Variants in DNAH1 observed in about 807,000 individuals in gnomAD.
DNAH1 encodes axonemal beta dynein heavy chain 1.
In DNAH1, 327 loss-of-function variants were observed where a neutral mutation model predicts 484.3. The ratio of observed to expected loss-of-function variants is 0.68; its 90% CI spans 0.62 to 0.74. DNAH1 has a LOEUF of 0.74. DNAH1 is among the 30% of genes least tolerant of loss of function. The pLI is 0.00. For synonymous variants in DNAH1, 2,192 were observed against 2,191.9 expected, an observed-to-expected ratio of 1.00 and a Z score of 0.00; for missense variants, 5,052 against 5,546.8, an observed-to-expected ratio of 0.91 and a Z score of 2.83.
rs1315325631 is a variant in DNAH1 at position 52,399,111 on chromosome 3, C to T, written c.12351C>T (p.Phe4117=). 6.2e-7 allele frequency: 1 copy of T among 1,614,072 alleles called. No individual in the cohort carries two copies. The highest frequency in any genetic ancestry group is 1.1e-5 in the South Asian group (1 of 91,092). Residue 4117 remains phenylalanine (F), a synonymous_variant, in exon 76 of 78, where the codon TTC becomes TTT. Transcript: ENST00000420323. ...GIPAVFWISG[F]FFPQAFLTGT... is the part of the protein sequence containing the mutation. The stretch of plus-strand genomic sequence containing the variant: ...CAGCTGTCTTCTGGATCAGTGGATT[C>T]TTCTTCCCCCAGGCTTTCTTAACAG...
At chr3:52,371,311 G>A (rs997944338) in intron 41 of DNAH1, among the ~76,000 whole-genome samples, 13 of 152,248 alleles carry the variant, frequency 8.5e-5, no homozygotes, top group East Asian at 7.7e-4. Context: ...GTGGAAAGGC[G>A]TCTGCAGAGA....
At chr3:52,400,199 G>A (rs1704847098) in intron 77 of DNAH1, 126 bp from the exon 78 acceptor site, 2 of 1,320,500 alleles carry the variant, frequency 1.5e-6, no homozygotes, top group Non-Finnish European at 2.1e-6. Context: ...CATCAGGTAG[G>A]CTTCCTCTTG....
At chr3:52,380,579 C>G (rs1703800804) in intron 48 of DNAH1, among the ~76,000 whole-genome samples, 2 of 152,228 alleles carry the variant, frequency 1.3e-5, no homozygotes, top group Admixed American at 1.3e-4. Context: ...TCAGCACACC[C>G]TGGTAAGCCC....
At chr3:52,335,145 T>C (rs1314359464) in intron 8 of DNAH1, among the ~76,000 whole-genome samples, 1 of 139,062 alleles carries the variant, frequency 7.2e-6, no homozygotes, top group Non-Finnish European at 1.5e-5. Context: ...AAAAAAGCAA[T>C]GTGTGATTTT....
rs529527087 is a variant in DNAH1, at chr3:52,366,475, T to A, written c.5537T>A (p.Ile1846Asn). The change falls in exon 35 of 78, where the codon ATC (isoleucine) becomes AAC (asparagine). Residue 1846 changes from isoleucine (I) to asparagine (N), a missense_variant. Around this residue, in one of 4 missense-constraint regions of DNAH1, gnomAD observed 2,929 missense variants for 3,409.4 expected, o/e 0.86. Transcript: ENST00000420323. The part of the protein sequence containing the change: ...KDVEGFLTKC[I>N]QLYETTVVRH... ...CCCCCAGGCTTCCTGACAAAGTGCA[T>A]CCAGCTCTACGAGACCACGGTGGTA... 7 of 1,599,564 alleles carry A rather than the reference T, an allele frequency of 4.4e-6. No individual in the cohort carries two copies. In the African/African-American group the frequency reaches 9.4e-5, roughly 21 times the overall value.
Position 52,353,415 on chromosome 3 carries a change from A to G in DNAH1, c.3262A>G (p.Ile1088Val). Residue 1088 changes from isoleucine to valine, a missense_variant, in exon 20 of 78, where the codon ATC becomes GTC. Ile to Val is a conservative substitution (Grantham distance 29). Around this residue, in one of 4 missense-constraint regions of DNAH1, gnomAD observed 2,929 missense variants for 3,409.4 expected, o/e 0.86. Coordinates refer to ENST00000420323, the MANE Select transcript of DNAH1 (RefSeq NM_015512.5). The surrounding 1 kb of genome is among the most constrained non-coding windows in gnomAD (Gnocchi z 5.0). ...AGTGGCCTTGGACATCCGGGCCCGC[A>G]TCGAGGAGTTCAAACCATACATCCC... ...QEVALDIRAR[I>V]EEFKPYIPLI... The G allele has an allele frequency of 6.2e-7, 1 of 1,613,624 alleles. No individual in the cohort carries two copies. The highest frequency in any genetic ancestry group is 8.5e-7 in the Non-Finnish European group (1 of 1,179,734).
At chr3:52,378,030 TCTC>T (rs1703677973) in intron 46 of DNAH1, among the ~76,000 whole-genome samples, 1 of 152,036 alleles carries the variant, frequency 6.6e-6, no homozygotes, top group African/African-American at 2.4e-5. Flanking sequence ...TTTCTCCACT[TCTC>T]CGCCAAGTTT....
Position 52,396,354 on chromosome 3 carries a change from G to A in DNAH1, c.11260-14G>A, listed in dbSNP as rs761117917. ...ATATGGGTCTCAATGCTCACGTGGA[G>A]CCATGGCCACCAGGTACACAGGGAC... On this transcript the variant is annotated splice_polypyrimidine_tract_variant and intron_variant, in intron 70 of 77. Transcript: ENST00000420323. The A allele has an allele frequency of 6.1e-5, 95 of 1,563,608 alleles. No homozygotes were observed. The African/African-American group carries it at 1.2e-3, about 20-fold the overall frequency.
chr3:52,396,368 G>C lies in DNAH1; in HGVS notation c.11260G>C (p.Val3754Leu), dbSNP rs1169332869. The change falls in exon 71 of 78, where the codon GTA becomes CTA. Residue 3754 changes from valine to leucine, a missense_variant and splice_region_variant. Val to Leu is a conservative substitution (Grantham distance 32, BLOSUM62 1). Coordinates refer to ENST00000420323, the MANE Select transcript of DNAH1 (RefSeq NM_015512.5). ...RLIEHINPDK[V>L]HRDFRLWLTS... is the part of the protein sequence containing the mutation. ...GCTCACGTGGAGCCATGGCCACCAG[G>C]TACACAGGGACTTCCGCCTCTGGCT... The C allele has an allele frequency of 9.5e-6, 15 of 1,572,400 alleles. No homozygotes were observed. Among genetic ancestry groups the C allele is most frequent in the East Asian group, 2.4e-5 (1 of 42,144 alleles).
Position 52,352,102 on chromosome 3 carries a change from A to G in DNAH1, c.2870A>G (p.Gln957Arg). The change falls in exon 17 of 78, where the codon CAG (glutamine) becomes CGG (arginine). Residue 957 changes from glutamine (Q) to arginine (R), a missense_variant and splice_region_variant. Gln to Arg is a conservative substitution (Grantham distance 43, BLOSUM62 1). Coordinates refer to ENST00000420323, the MANE Select transcript of DNAH1 (RefSeq NM_015512.5). The stretch of plus-strand genomic sequence containing the variant: ...TTCCAAGAGAAGCTGGAAGGGCTGC[A>G]GGTGGGGCACAGCTGCAGGCTTGGT... ...NNFQEKLEGL[Q>R]LVVAGFSIHV... The G allele has an allele frequency of 1.3e-6, 2 of 1,574,920 alleles. No individual in the cohort carries two copies. Among genetic ancestry groups the G allele is most frequent in the Non-Finnish European group, 1.7e-6 (2 of 1,160,870 alleles).
chr3:52,345,748 A>T (rs1327225995), intron 10 of DNAH1, 42 bp downstream of exon 10: 1 of 1,575,524 alleles, frequency 6.3e-7, no homozygotes, highest in South Asian at 1.2e-5. Flanking sequence ...CGCAGGGCAG[A>T]CCCTTGGAAC....
Position 52,349,433 on chromosome 3 carries a change from C to T in DNAH1, c.2526+13C>T, listed in dbSNP as rs769484089. On this transcript the variant is annotated intron_variant, in intron 14 of 77. Transcript: ENST00000420323. ...GGAGGTGGATAGCGTAAGTGCCCACCTGCCCCGCCTCAGTGACCACAGCAG... is the reference window on the plus strand; with the variant it reads ...GGAGGTGGATAGCGTAAGTGCCCACTTGCCCCGCCTCAGTGACCACAGCAG... The T allele has an allele frequency of 5.6e-6, 9 of 1,610,860 alleles. No individual in the cohort carries two copies. Among genetic ancestry groups the T allele is most frequent in the Middle Eastern group, 1.7e-4 (1 of 6,000 alleles).
chr3:52,328,246 T>C (rs888629444), intron 6 of DNAH1, among the ~76,000 whole-genome samples: 3 of 152,208 alleles, frequency 2.0e-5, no homozygotes, highest in Non-Finnish European at 4.4e-5. Flanking sequence ...TCTAGTGTTT[T>C]GAAAAATCTT....
chr3:52,352,827 A>G, intron 18 of DNAH1, 120 bp downstream of exon 18: 1 of 1,411,938 alleles, frequency 7.1e-7, no homozygotes, highest in Non-Finnish European at 9.4e-7. Context: ...CAGGCTGCAG[A>G]GTGGAGATAG....
intron 48 of DNAH1, among the ~76,000 whole-genome samples, chr3:52,380,589 C>G (rs1235984999): frequency 6.6e-6 from 1 of 152,212 alleles, no homozygotes; most frequent in Admixed American, 6.5e-5. Context: ...CTGGTAAGCC[C>G]CAGAAGGAGC....
rs368599966 is a variant in DNAH1, at chr3:52,346,724, A to G, written c.1909A>G (p.Thr637Ala). The G allele has an allele frequency of 6.8e-6, 11 of 1,613,420 alleles. No homozygotes were observed. The highest frequency in any genetic ancestry group is 9.3e-6 in the Non-Finnish European group (11 of 1,179,546). The change falls in exon 11 of 78, where the codon ACC becomes GCC. Residue 637 changes from threonine to alanine, a missense_variant. Transcript: ENST00000420323. Reference sequence around the variant, plus strand: ...CACCTGTTGCAGCGTGCTCAACTGCACCGATGACATGGTCTGGGGTGACGA... The same window carrying G: ...CACCTGTTGCAGCGTGCTCAACTGCGCCGATGACATGGTCTGGGGTGACGA... ...SDTCCSVLNC[T>A]DDMVWGDDLI...
chr3:52,394,877 C>T (rs1252503022), intron 67 of DNAH1, 38 bp from the exon 68 acceptor site: 3 of 1,605,354 alleles, frequency 1.9e-6, no homozygotes, highest in African/African-American at 1.3e-5. Context: ...CTCCTTCCAA[C>T]AGGCTGGCTC....
chr3:52,314,578 G>T (rs966402766), upstream of DNAH1, among the ~76,000 whole-genome samples: 1 of 152,218 alleles, frequency 6.6e-6, no homozygotes, highest in African/African-American at 2.4e-5. Flanking sequence ...GGGCAGGGCT[G>T]CTGAGAAAAG....
At position 52,354,936 on chromosome 3, in the gene DNAH1, G is replaced by C; in HGVS notation, c.3574G>C (p.Glu1192Gln). Reference sequence around the variant, plus strand: ...CACCTACATCCTGAAGAGCCCGGACGAGGCCTCACAGCTGCTGGACGACCA... The same window carrying C: ...CACCTACATCCTGAAGAGCCCGGACCAGGCCTCACAGCTGCTGGACGACCA... ...TDTYILKSPDEASQLLDDHIV... is the reference protein window; with the variant it reads ...TDTYILKSPDQASQLLDDHIV... Residue 1192 changes from glutamate to glutamine, a missense_variant, in exon 21 of 78, where the codon GAG becomes CAG. By Grantham distance (29) the Glu-to-Gln change is conservative. Around this residue, in one of 4 missense-constraint regions of DNAH1, gnomAD observed 2,929 missense variants for 3,409.4 expected, o/e 0.86. Coordinates refer to ENST00000420323, the MANE Select transcript of DNAH1 (RefSeq NM_015512.5). The C allele has an allele frequency of 6.2e-7, 1 of 1,614,020 alleles. No homozygotes were observed. Among genetic ancestry groups the C allele is most frequent in the Non-Finnish European group, 8.5e-7 (1 of 1,179,906 alleles).
Sources: gnomAD v4.1 joint callset for allele counts (sites outside exome capture counted in the v4.1 genomes callset) on GRCh38, gnomAD v4.1.1 for gene constraint, gnomAD v4.1.1 regional missense constraint, Gnocchi (gnomAD v3.1) non-coding constraint, MANE v1.5 for transcripts, NCBI Gene and HGNC (gene_info 2026-07-23, HGNC 2026-07-21) for gene names.